The following KCNJ3 variants were observed in gnomAD, a reference collection of about 807,000 sequenced individuals.
KCNJ3 encodes potassium inwardly rectifying channel subfamily J member 3.
In KCNJ3, 4 loss-of-function variants were observed where a neutral mutation model predicts 39.2. The observed-to-expected ratio is 0.10, with a 90% CI of 0.05 to 0.23. The LOEUF (loss-of-function observed/expected upper bound fraction) is 0.23, where lower values mean the gene tolerates loss of function less well. Ranked by LOEUF, KCNJ3 falls within the 10% of genes least tolerant of loss-of-function variation. The pLI is 1.00. For synonymous variants in KCNJ3, 230 were observed against 237.4 expected, an observed-to-expected ratio of 0.97 and a Z score of 0.29; for missense variants, 276 against 634.9, an observed-to-expected ratio of 0.43 and a Z score of 6.08.
chr2:154,704,646 T>C (rs1447548088), intron 1 of KCNJ3, among the ~76,000 whole-genome samples: 1 of 152,148 alleles, frequency 6.6e-6, no homozygotes, highest in Non-Finnish European at 1.5e-5. Flanking sequence ...AATGTAATTG[T>C]AGACAATGCC....
intron 2 of KCNJ3, among the ~76,000 whole-genome samples, chr2:154,834,236 G>C (rs1687411057): frequency 6.6e-6 from 1 of 152,054 alleles, no homozygotes; most frequent in South Asian, 2.1e-4. Flanking sequence ...TAGCCATTTT[G>C]ATAGCCATGT....
In KCNJ3 at chr2:154,699,509, G is replaced by T; in HGVS notation, c.702+32G>T. Reference sequence around the variant, plus strand: ...GCTCCCCGCCCCTTCCCCACCGGGAGACCTGCGTCCCCCAAACCCGCGGAG... The same window carrying T: ...GCTCCCCGCCCCTTCCCCACCGGGATACCTGCGTCCCCCAAACCCGCGGAG... On this transcript the variant is annotated intron_variant, in intron 1 of 2. Transcript: ENST00000295101. The surrounding 1 kb of genome is among the most constrained non-coding windows in gnomAD (Gnocchi z 6.4). 1 of 1,529,802 alleles carries T rather than the reference G, an allele frequency of 6.5e-7. No homozygotes were observed. The allele number at this position is 1,529,802 out of a possible 1,614,324, so 94.8% of individuals were successfully genotyped here. A position where few individuals can be genotyped will look rare whatever the true frequency, so the allele number is the denominator to read the frequency against.
intron 2 of KCNJ3, among the ~76,000 whole-genome samples, chr2:154,801,300 T>C (rs2105216705): frequency 6.6e-6 from 1 of 152,308 alleles, no homozygotes; most frequent in South Asian, 2.1e-4. Flanking sequence ...TGTTAGCATA[T>C]TTATTCTTAA....
Position 154,698,781 on chromosome 2 carries a change from T to C in KCNJ3, c.6T>C (p.Ser2=). 1 of 1,607,856 alleles carries C rather than the reference T, an allele frequency of 6.2e-7. No homozygotes were observed. Among genetic ancestry groups the C allele is most frequent in the Non-Finnish European group, 8.5e-7 (1 of 1,175,254 alleles). ...CTGGCTCGCCCCTTCGTATTATGTC[T>C]GCACTCCGAAGGAAATTTGGGGACG... M[S]ALRRKFGDDY... The change falls in exon 1 of 3, where the codon TCT becomes TCC. Residue 2 remains serine, a synonymous_variant. Coordinates refer to ENST00000295101, the MANE Select transcript of KCNJ3 (RefSeq NM_002239.4).
chr2:154,809,081 C>G (rs1574470312), intron 2 of KCNJ3, among the ~76,000 whole-genome samples: 1 of 152,084 alleles, frequency 6.6e-6, no homozygotes, highest in Admixed American at 6.5e-5. Flanking sequence ...TTTGGCTAAT[C>G]AGCTTGGAAT....
Position 154,854,809 on chromosome 2 carries a change from A to G in KCNJ3, c.1002A>G (p.Glu334=), listed in dbSNP as rs1011641233. ...GTTTTTTTCCTGTAATTTCCTTAGA[A>G]GAGGGATTCTTTAAAGTTGATTACT... is the stretch of plus-strand genomic sequence containing the variant. ...GHRFFPVISL[E]EGFFKVDYSQ... The change falls in exon 3 of 3, where the codon GAA becomes GAG. Residue 334 remains glutamate, a synonymous_variant. Coordinates refer to ENST00000295101, the MANE Select transcript of KCNJ3 (RefSeq NM_002239.4). The G allele has an allele frequency of 6.2e-7, 1 of 1,613,988 alleles. No homozygotes were observed. Among genetic ancestry groups the G allele is most frequent in the Non-Finnish European group, 8.5e-7 (1 of 1,179,928 alleles).
In KCNJ3 at chr2:154,782,321, G is replaced by A. The variant is rs114954094; in HGVS notation, c.920-72406G>A. Among the ~76,000 whole-genome samples the A allele has an allele frequency of 9.5e-3, 1,440 of 152,158 alleles. 31 individuals carry two copies. The highest frequency in any genetic ancestry group is 0.033 in the African/African-American group (1,384 of 41,496). ...GGGATAATAATAATGCCTATTTCAC[G>A]GGGTGTTGAAAGGATTAAATGAGTT... is the stretch of plus-strand genomic sequence containing the variant. On this transcript the variant is annotated intron_variant, in intron 2 of 2. Coordinates refer to ENST00000295101, the MANE Select transcript of KCNJ3 (RefSeq NM_002239.4).
At chr2:154,808,146 T>C (rs975494023) in intron 2 of KCNJ3, among the ~76,000 whole-genome samples, 1 of 150,356 alleles carries the variant, frequency 6.7e-6, no homozygotes, top group Non-Finnish European at 1.5e-5. Flanking sequence ...AGTGGAACAA[T>C]CTCGGTTTAT....
At chr2:154,841,587 T>C (rs965696968) in intron 2 of KCNJ3, among the ~76,000 whole-genome samples, 3 of 152,184 alleles carry the variant, frequency 2.0e-5, no homozygotes, top group Admixed American at 6.5e-5. Flanking sequence ...TGGTAGCTAT[T>C]AATTATTGCC....
At chr2:154,831,885 C>T (rs2971897) in intron 2 of KCNJ3, among the ~76,000 whole-genome samples, 28,509 of 152,034 alleles carry the variant, frequency 0.19, 3,084 homozygotes, top group East Asian at 0.36. Context: ...TTATTTGGCT[C>T]ATGGTTCTGC....
intron 2 of KCNJ3, among the ~76,000 whole-genome samples, chr2:154,722,382 C>T (rs1685276415): frequency 6.6e-6 from 1 of 151,996 alleles, no homozygotes; most frequent in Admixed American, 6.6e-5. Context: ...GATGAGATCA[C>T]AGTTTAAGCT....
intron 1 of KCNJ3, among the ~76,000 whole-genome samples, chr2:154,703,962 G>A (rs184368706): frequency 1.3e-5 from 2 of 152,152 alleles, no homozygotes; most frequent in East Asian, 1.9e-4. Context: ...AGAATGCTCA[G>A]GAGCTAGGTC....
chr2:154,709,459 C>A, intron 1 of KCNJ3, 144 bp from the exon 2 acceptor site: 1 of 792,310 alleles, frequency 1.3e-6, no homozygotes, highest in Non-Finnish European at 2.0e-6. Flanking sequence ...TTTGCTAGAA[C>A]ATAGTTGCAT....
chr2:154,852,179 C>T (rs776824984), intron 2 of KCNJ3, among the ~76,000 whole-genome samples: 2 of 152,154 alleles, frequency 1.3e-5, no homozygotes, highest in Non-Finnish European at 2.9e-5. Context: ...TTCTGCCTGA[C>T]ATCAATTTTC....
intron 2 of KCNJ3, among the ~76,000 whole-genome samples, chr2:154,752,036 A>T (rs1355658559): frequency 6.6e-6 from 1 of 152,080 alleles, no homozygotes; most frequent in East Asian, 1.9e-4. Flanking sequence ...AATTCACACC[A>T]TAACACCAAT....
At chr2:154,745,847 T>C (rs758065971) in intron 2 of KCNJ3, among the ~76,000 whole-genome samples, 1 of 152,044 alleles carries the variant, frequency 6.6e-6, no homozygotes, top group Non-Finnish European at 1.5e-5. Flanking sequence ...AAGTACCACA[T>C]TGTAACTGCC....
intron 2 of KCNJ3, among the ~76,000 whole-genome samples, chr2:154,775,180 G>GCC (rs1686311422): frequency 1.3e-5 from 2 of 152,156 alleles, no homozygotes; most frequent in African/African-American, 4.8e-5. Context: ...GCCTTCCAAA[G>GCC]TGCTGGGATT....
chr2:154,738,326 A>C (rs80030658), intron 2 of KCNJ3, among the ~76,000 whole-genome samples: 10,717 of 152,114 alleles, frequency 0.07, 451 homozygotes, highest in African/African-American at 0.11. Context: ...AAAGTAATTA[A>C]AGACTGAATA....
At chr2:154,769,599 T>C (rs995015639) in intron 2 of KCNJ3, among the ~76,000 whole-genome samples, 7 of 152,222 alleles carry the variant, frequency 4.6e-5, no homozygotes, top group Non-Finnish European at 1.0e-4. Context: ...CAGTATTTTA[T>C]TGAGGTTTTT....
Sources: allele counts gnomAD v4.1 joint callset (sites outside exome capture counted in the v4.1 genomes callset), GRCh38; gene constraint gnomAD v4.1.1; non-coding constraint Gnocchi (gnomAD v3.1); transcripts MANE v1.5; gene names NCBI Gene and HGNC (gene_info 2026-07-23, HGNC 2026-07-21).